Variants in GABRG2 observed in about 807,000 individuals in gnomAD.
GABRG2 encodes gamma-aminobutyric acid receptor subunit gamma-2.
Under a neutral mutation model 56.4 loss-of-function variants are expected in GABRG2, and 16 were observed. That is an observed-to-expected ratio of 0.28 (90% CI 0.19 to 0.43). GABRG2 has a LOEUF of 0.43. GABRG2 is among the 20% of genes least tolerant of loss of function. The pLI is 1.00. For missense variants in GABRG2, 327 were observed against 582.7 expected (o/e 0.56, Z 4.52); for synonymous variants, 208 against 205.5 (o/e 1.01, Z -0.10).
At chr5:162,105,808 A>AACACAC (rs1268492336) in intron 6 of GABRG2, among the ~76,000 whole-genome samples, 9 of 68,344 alleles carry the variant, frequency 1.3e-4, no homozygotes, top group African/African-American at 4.8e-4. Context: ...GGCGAAAGAA[A>AACACAC]ACACATACAC....
chr5:162,101,459 T>C (rs1400427876), intron 5 of GABRG2, 142 bp downstream of exon 5: 3 of 713,996 alleles, frequency 4.2e-6, no homozygotes, highest in Non-Finnish European at 5.0e-6. Flanking sequence ...GACCATCTCT[T>C]TCATCTTAAT....
intron 1 of GABRG2, among the ~76,000 whole-genome samples, chr5:162,082,205 A>G (rs1759721901): frequency 6.6e-6 from 1 of 151,840 alleles, no homozygotes; most frequent in African/African-American, 2.4e-5. Context: ...CATGGATTCT[A>G]TAAGAGCCTA....
intron 6 of GABRG2, among the ~76,000 whole-genome samples, chr5:162,118,162 G>GA (rs990643144): frequency 9.5e-5 from 14 of 147,788 alleles, no homozygotes; most frequent in East Asian, 4.0e-4. Context: ...TTTTATCAAG[G>GA]AAAAAAAAAC....
intron 3 of GABRG2, among the ~76,000 whole-genome samples, chr5:162,097,374 A>T (rs1761074784): frequency 6.6e-6 from 1 of 152,162 alleles, no homozygotes; most frequent in Non-Finnish European, 1.5e-5. Flanking sequence ...ATAGACATGG[A>T]AAGTAAAGGA....
At chr5:162,141,460 C>T (rs769495443) in intron 6 of GABRG2, among the ~76,000 whole-genome samples, 1 of 152,096 alleles carries the variant, frequency 6.6e-6, no homozygotes, top group Admixed American at 6.5e-5. Flanking sequence ...TTACTGAATG[C>T]CTGTTTTGAG....
rs1391190804 is a variant in GABRG2, at chr5:162,072,711, A to G, written c.107+4605A>G. Among the ~76,000 whole-genome samples the G allele has an allele frequency of 2.6e-5, 4 of 152,028 alleles. No homozygotes were observed. The East Asian group carries it at 7.7e-4, about 29-fold the overall frequency. ...ATAATACACACAAACACAAACACAC[A>G]TACACAGACACAATCCTGTGACTCC... On this transcript the variant is annotated intron_variant, in intron 1 of 9. Transcript: ENST00000639213.
rs553351912 is a variant in GABRG2 at position 162,099,567 on chromosome 5, G to T, written c.549-1668G>T. 3.9e-5 allele frequency: 6 copies of T among 152,288 alleles called. No individual in the cohort carries two copies. In the South Asian group the frequency reaches 1.2e-3, roughly 32 times the overall value. 9.4% of individuals were successfully genotyped at this position (152,288 alleles called of 1,614,324 possible). Reference sequence around the variant, plus strand: ...TTATAGGCGACAGCCATGGCATCTGGCCAATGCCTGAATGTAGAATCTAGT... The same window carrying T: ...TTATAGGCGACAGCCATGGCATCTGTCCAATGCCTGAATGTAGAATCTAGT... On this transcript the variant is annotated intron_variant, in intron 4 of 9. Coordinates refer to ENST00000639213, the MANE Select transcript of GABRG2 (RefSeq NM_198904.4).
intron 5 of GABRG2, chr5:162,102,569 C>T: frequency 4.4e-6 from 2 of 454,158 alleles, no homozygotes; most frequent in Non-Finnish European, 8.8e-6. Context: ...CGTTCTATTG[C>T]CCAGGCTGGA....
chr5:162,101,117 T>G, intron 4 of GABRG2, 118 bp from the exon 5 acceptor site: 1 of 754,840 alleles, frequency 1.3e-6, no homozygotes, highest in Non-Finnish European at 2.3e-6. Flanking sequence ...GGGATCACTC[T>G]GTGTTTTCAA....
rs983610676 is a variant in GABRG2 at position 162,152,762 on chromosome 5, A to G, written c.1153-331A>G. 5.3e-6 allele frequency: 3 copies of G among 562,186 alleles called. No individual in the cohort carries two copies. The African/African-American group carries it at 5.6e-5, about 11-fold the overall frequency. The allele number at this position is 562,186 out of a possible 1,614,324, so 34.8% of individuals were successfully genotyped here. ...CAGCACCATCAAATGCCTTCATGTA[A>G]CCAATGTCACATCTAATACTTACTA... On this transcript the variant is annotated intron_variant, in intron 9 of 9. Transcript: ENST00000639213.
At chr5:162,141,150 C>G (rs1764534746) in intron 6 of GABRG2, among the ~76,000 whole-genome samples, 1 of 152,056 alleles carries the variant, frequency 6.6e-6, no homozygotes, top group South Asian at 2.1e-4. Context: ...CATTCTCCTG[C>G]CTAAGCCTCC....
intron 1 of GABRG2, among the ~76,000 whole-genome samples, chr5:162,079,996 C>T (rs1359440104): frequency 1.3e-5 from 2 of 152,026 alleles, no homozygotes. Flanking sequence ...TCATTTTTCC[C>T]CTGAAATAAG....
intron 6 of GABRG2, among the ~76,000 whole-genome samples, chr5:162,134,714 G>A (rs530675442): frequency 1.3e-5 from 2 of 152,074 alleles, no homozygotes; most frequent in Non-Finnish European, 2.9e-5. Flanking sequence ...GATGCTTAGG[G>A]GTTGGCTGCT....
chr5:162,070,375 G>T (rs1297629903), intron 1 of GABRG2, among the ~76,000 whole-genome samples: 3 of 151,998 alleles, frequency 2.0e-5, no homozygotes, highest in Non-Finnish European at 2.9e-5. Context: ...GAGTAGGACT[G>T]GAGGTAAATA....
chr5:162,071,043 T>A (rs1937946424), intron 1 of GABRG2, among the ~76,000 whole-genome samples: 1 of 151,772 alleles, frequency 6.6e-6, no homozygotes, highest in Admixed American at 6.6e-5. Flanking sequence ...TCATTGAGAA[T>A]ATTATACATA....
intron 4 of GABRG2, among the ~76,000 whole-genome samples, chr5:162,100,720 A>G (rs1460547409): frequency 6.6e-6 from 1 of 152,222 alleles, no homozygotes; most frequent in Non-Finnish European, 1.5e-5. Context: ...AGTGTAGTGT[A>G]GAATTAATGC....
chr5:162,128,496 C>T (rs896538904), intron 6 of GABRG2: 2 of 151,918 alleles, frequency 1.3e-5, no homozygotes, highest in African/African-American at 4.8e-5. Flanking sequence ...CTTCCCTTCT[C>T]CTGACATGTA....
At chr5:162,105,416 G>T (rs1347288184) in intron 6 of GABRG2, among the ~76,000 whole-genome samples, 3 of 141,664 alleles carry the variant, frequency 2.1e-5, no homozygotes, top group African/African-American at 7.8e-5. Flanking sequence ...TGACCATCAA[G>T]TATTAGTAGA....
At chr5:162,128,461 G>T (rs915991698) in intron 6 of GABRG2, 9 of 151,894 alleles carry the variant, frequency 5.9e-5, no homozygotes, top group African/African-American at 2.2e-4. Flanking sequence ...AGCTCTTCAA[G>T]GAACAATGCT....
Sources: allele counts gnomAD v4.1 joint callset (sites outside exome capture counted in the v4.1 genomes callset), GRCh38; gene constraint gnomAD v4.1.1; transcripts MANE v1.5; gene names NCBI Gene and HGNC (gene_info 2026-07-23, HGNC 2026-07-21).